The following LINGO2 variants were observed in gnomAD, a reference collection of about 807,000 sequenced individuals.
The protein encoded by LINGO2 is leucine rich repeat and Ig domain containing 2, also known as leucine-rich repeat and immunoglobulin-like domain-containing nogo receptor-interacting protein 2.
A neutral mutation model predicts 30.6 loss-of-function variants in LINGO2; 14 were observed. The observed-to-expected ratio is 0.46, with a 90% CI of 0.30 to 0.72. LINGO2 has a LOEUF of 0.72. Ranked by LOEUF, LINGO2 falls within the 30% of genes least tolerant of loss-of-function variation. The pLI, the probability that LINGO2 is intolerant of heterozygous loss-of-function variation, is 0.07. For missense variants in LINGO2, 729 were observed against 751.7 expected, an observed-to-expected ratio of 0.97 and a Z score of 0.35; for synonymous variants, 317 against 288.5, an observed-to-expected ratio of 1.10 and a Z score of -1.00.
At chr9:29,152,840 T>C in the LINGO2 span, among the ~76,000 whole-genome samples, 2 of 152,188 alleles carry the variant, frequency 1.3e-5, no homozygotes, top group African/African-American at 4.8e-5. Context: ...AATAAAATAC[T>C]AGCTTCCGGG....
chr9:28,677,660 G>A, the LINGO2 span, among the ~76,000 whole-genome samples: 1 of 152,070 alleles, frequency 6.6e-6, no homozygotes, highest in Non-Finnish European at 1.5e-5. Flanking sequence ...CTGGCCACCT[G>A]TGTTCCATTT....
At chr9:28,601,279 C>A (rs1373036484) in intron 1 of LINGO2, among the ~76,000 whole-genome samples, 4 of 152,138 alleles carry the variant, frequency 2.6e-5, no homozygotes, top group African/African-American at 9.7e-5. Flanking sequence ...AGAAACATTG[C>A]AAATGTGTAC....
chr9:29,064,993 G>C, the LINGO2 span, among the ~76,000 whole-genome samples: 34 of 152,190 alleles, frequency 2.2e-4, 1 homozygote, highest in East Asian at 5.4e-3. Flanking sequence ...AAAGAGTAAA[G>C]ACACTTCAAG....
chr9:28,835,658 C>T, the LINGO2 span, among the ~76,000 whole-genome samples: 1 of 152,192 alleles, frequency 6.6e-6, no homozygotes. Flanking sequence ...ATCAACTGAA[C>T]AAGCAAGTCC....
intron 2 of LINGO2, among the ~76,000 whole-genome samples, chr9:28,444,046 G>A (rs564480294): frequency 2.2e-4 from 34 of 152,290 alleles, no homozygotes; most frequent in African/African-American, 7.0e-4. Flanking sequence ...CAGACTGCCT[G>A]TGGATAGAAG....
the LINGO2 span, among the ~76,000 whole-genome samples, chr9:28,966,354 T>G: frequency 6.6e-6 from 1 of 152,256 alleles, no homozygotes; most frequent in East Asian, 1.9e-4. Flanking sequence ...ATTCTTATAT[T>G]TTTATTCCTT....
At chr9:28,189,991 A>C (rs1409767502) in intron 4 of LINGO2, among the ~76,000 whole-genome samples, 1 of 152,134 alleles carries the variant, frequency 6.6e-6, no homozygotes, top group East Asian at 1.9e-4. Flanking sequence ...GAATACTTAG[A>C]CAGGTTGCCA....
intron 1 of LINGO2, among the ~76,000 whole-genome samples, chr9:28,580,119 T>A (rs970784531): frequency 2.0e-5 from 3 of 152,088 alleles, no homozygotes; most frequent in African/African-American, 7.2e-5. Flanking sequence ...AATAGAATCC[T>A]CTTCAAACCT....
chr9:29,099,625 A>C, the LINGO2 span, among the ~76,000 whole-genome samples: 1 of 152,350 alleles, frequency 6.6e-6, no homozygotes, highest in Admixed American at 6.5e-5. Context: ...AAACAGGTAT[A>C]TGAAAAGATG....
At chr9:28,218,608 G>A (rs1277219367) in intron 4 of LINGO2, among the ~76,000 whole-genome samples, 1 of 152,050 alleles carries the variant, frequency 6.6e-6, no homozygotes, top group Non-Finnish European at 1.5e-5. Flanking sequence ...TTCTGCTCTG[G>A]ACTTTGAGTG....
At chr9:28,928,475 GT>G in the LINGO2 span, among the ~76,000 whole-genome samples, 4 of 150,924 alleles carry the variant, frequency 2.7e-5, no homozygotes, top group East Asian at 2.0e-4. Flanking sequence ...ACTTATATGT[GT>G]TTTTTTTTAA....
chr9:28,437,577 A>G (rs1040086335), intron 2 of LINGO2, among the ~76,000 whole-genome samples: 3 of 134,770 alleles, frequency 2.2e-5, no homozygotes, highest in Non-Finnish European at 4.8e-5. Flanking sequence ...ACACACACAC[A>G]GACGCGCACA....
chr9:29,042,265 T>A, the LINGO2 span, among the ~76,000 whole-genome samples: 1 of 151,958 alleles, frequency 6.6e-6, no homozygotes, highest in African/African-American at 2.4e-5. Flanking sequence ...CAATCTCATC[T>A]AAAATAATAT....
At chr9:27,959,700 A>T (rs1390657968) in intron 5 of LINGO2, among the ~76,000 whole-genome samples, 1 of 152,184 alleles carries the variant, frequency 6.6e-6, no homozygotes, top group Non-Finnish European at 1.5e-5. Flanking sequence ...CGTATGATCA[A>T]TCTTGCTGCC....
At chr9:28,188,155 G>T (rs1399083003) in intron 4 of LINGO2, among the ~76,000 whole-genome samples, 2 of 152,016 alleles carry the variant, frequency 1.3e-5, no homozygotes, top group Non-Finnish European at 2.9e-5. Flanking sequence ...CAAAACCTTT[G>T]TGTGGACTAA....
the LINGO2 span, among the ~76,000 whole-genome samples, chr9:28,811,962 T>C: frequency 4.9e-4 from 74 of 152,274 alleles, no homozygotes; most frequent in African/African-American, 1.6e-3. Flanking sequence ...TATGTATTCA[T>C]TGAATAAGTA....
intron 4 of LINGO2, among the ~76,000 whole-genome samples, chr9:28,103,542 C>T (rs997654998): frequency 2.0e-5 from 3 of 152,100 alleles, no homozygotes; most frequent in East Asian, 1.9e-4. Flanking sequence ...GCCCTCATTG[C>T]CCCATAGCCA....
the LINGO2 span, among the ~76,000 whole-genome samples, chr9:28,962,698 A>G: frequency 9.2e-5 from 14 of 151,900 alleles, no homozygotes; most frequent in African/African-American, 2.9e-4. Context: ...AATTTACTAC[A>G]TTTCATTTAT....
At chr9:28,754,333 C>G in the LINGO2 span, among the ~76,000 whole-genome samples, 2 of 151,982 alleles carry the variant, frequency 1.3e-5, no homozygotes, top group African/African-American at 2.4e-5. Context: ...AAGATTGTAA[C>G]GCATATGTGT....
Sources: gnomAD v4.1 joint callset for allele counts (sites outside exome capture counted in the v4.1 genomes callset) on GRCh38, gnomAD v4.1.1 for gene constraint, MANE v1.5 for transcripts, NCBI Gene and HGNC (gene_info 2026-07-23, HGNC 2026-07-21) for gene names.